The following LPP variants were observed in gnomAD, a reference collection of about 807,000 sequenced individuals.
LPP encodes lipoma-preferred partner.
A neutral mutation model predicts 60.4 loss-of-function variants in LPP; 38 were observed. That is an observed-to-expected ratio of 0.63 (90% CI 0.49 to 0.83). LPP has a LOEUF of 0.83. Ranked by LOEUF, LPP falls within the 40% of genes least tolerant of loss-of-function variation. LPP has a pLI of 0.00. For synonymous variants in LPP, 328 were observed against 290.8 expected (o/e 1.13, Z -1.30); for missense variants, 902 against 783.6 (o/e 1.15, Z -1.80).
At chr3:188,865,983 T>G (rs577446742) in intron 9 of LPP, among the ~76,000 whole-genome samples, 1 of 152,302 alleles carries the variant, frequency 6.6e-6, no homozygotes, top group East Asian at 1.9e-4. Flanking sequence ...TATAACACAC[T>G]TCTTTGGCCA....
intron 9 of LPP, among the ~76,000 whole-genome samples, chr3:188,791,441 C>G (rs780441098): frequency 6.6e-6 from 1 of 152,030 alleles, no homozygotes; most frequent in Non-Finnish European, 1.5e-5. Flanking sequence ...TTCTGTTTCT[C>G]TTGTTTATGC....
intron 6 of LPP, among the ~76,000 whole-genome samples, chr3:188,549,803 G>A (rs999787645): frequency 2.0e-5 from 3 of 152,130 alleles, no homozygotes; most frequent in African/African-American, 2.4e-5. Flanking sequence ...ATGCTAAACT[G>A]ATACCCTTTT....
intron 8 of LPP, among the ~76,000 whole-genome samples, chr3:188,718,543 C>A (rs1039739055): frequency 6.6e-6 from 1 of 152,198 alleles, no homozygotes; most frequent in Non-Finnish European, 1.5e-5. Flanking sequence ...TTCCCAGTAT[C>A]TTTTATCTCA....
chr3:188,328,097 G>A (rs1758946818), intron 2 of LPP, among the ~76,000 whole-genome samples: 2 of 152,118 alleles, frequency 1.3e-5, no homozygotes, highest in South Asian at 4.1e-4. Flanking sequence ...AGGATAAAAA[G>A]TAATTGTGGA....
At chr3:188,207,999 C>T (rs773167827) in intron 1 of LPP, among the ~76,000 whole-genome samples, 9 of 152,174 alleles carry the variant, frequency 5.9e-5, no homozygotes, top group South Asian at 2.1e-4. Context: ...GATTCAAGCA[C>T]GCACACATAG....
intron 9 of LPP, among the ~76,000 whole-genome samples, chr3:188,816,417 G>A (rs1002249869): frequency 6.6e-6 from 1 of 152,030 alleles, no homozygotes; most frequent in African/African-American, 2.4e-5. Context: ...TAGCCAGGAT[G>A]GTCTTGATCT....
chr3:188,480,493 G>A (rs1804468198), intron 4 of LPP, among the ~76,000 whole-genome samples: 1 of 152,172 alleles, frequency 6.6e-6, no homozygotes, highest in Non-Finnish European at 1.5e-5. Flanking sequence ...AATATATTTT[G>A]TATGTAGGTA....
chr3:188,208,513 G>C (rs752068928), intron 1 of LPP, among the ~76,000 whole-genome samples: 6 of 152,178 alleles, frequency 3.9e-5, no homozygotes, highest in Admixed American at 6.5e-5. Flanking sequence ...GTGCTCTCTG[G>C]AAAATAGCTC....
chr3:188,427,339 G>A (rs1448159075), intron 4 of LPP, among the ~76,000 whole-genome samples: 1 of 152,230 alleles, frequency 6.6e-6, no homozygotes, highest in East Asian at 1.9e-4. Flanking sequence ...GTCTGATGAG[G>A]TTCCCTTTGT....
At chr3:188,802,072 A>G (rs1288712977) in intron 9 of LPP, among the ~76,000 whole-genome samples, 1 of 152,004 alleles carries the variant, frequency 6.6e-6, no homozygotes, top group African/African-American at 2.4e-5. Flanking sequence ...TTTAGATTTG[A>G]AAGAAAAAGA....
chr3:188,847,238 A>T (rs1381215719), intron 9 of LPP, among the ~76,000 whole-genome samples: 7 of 152,284 alleles, frequency 4.6e-5, no homozygotes, highest in Admixed American at 4.6e-4. Flanking sequence ...AGTAAAGCAA[A>T]CCCAGGGTCA....
chr3:188,722,054 G>A (rs1477020874), intron 8 of LPP, among the ~76,000 whole-genome samples: 1 of 152,106 alleles, frequency 6.6e-6, no homozygotes, highest in Non-Finnish European at 1.5e-5. Flanking sequence ...TCAGAGTTCT[G>A]GAGAATTGTA....
chr3:188,213,221 G>A (rs1044434397), intron 1 of LPP, among the ~76,000 whole-genome samples: 1 of 152,160 alleles, frequency 6.6e-6, no homozygotes, highest in Non-Finnish European at 1.5e-5. Context: ...GGATTTAAGA[G>A]TATGCAAAAT....
chr3:188,651,047 T>C (rs1179843932), intron 7 of LPP, among the ~76,000 whole-genome samples: 1 of 152,236 alleles, frequency 6.6e-6, no homozygotes, highest in East Asian at 1.9e-4. Flanking sequence ...TTTTTAAATT[T>C]ATACAGCATG....
At chr3:188,271,273 G>A (rs1737637535) in intron 2 of LPP, among the ~76,000 whole-genome samples, 1 of 152,180 alleles carries the variant, frequency 6.6e-6, no homozygotes. Context: ...CCCTCTTATT[G>A]TTGGAGAAGA....
intron 8 of LPP, 66 bp from the exon 9 acceptor site, chr3:188,760,046 TC>T: frequency 6.9e-7 from 1 of 1,439,386 alleles, no homozygotes. Context: ...TGCTTTCTCC[TC>T]CACTTTGGCT....
At chr3:188,298,195 CGATCCTAATAG>C (rs1748571995) in intron 2 of LPP, among the ~76,000 whole-genome samples, 1 of 152,158 alleles carries the variant, frequency 6.6e-6, no homozygotes, top group African/African-American at 2.4e-5. Flanking sequence ...GCTCCTGATA[CGATCCTAATAG>C]GATCCTCTTC....
At chr3:188,640,549 C>T (rs1014714164) in intron 7 of LPP, among the ~76,000 whole-genome samples, 10 of 139,656 alleles carry the variant, frequency 7.2e-5, no homozygotes, top group South Asian at 2.2e-4. Context: ...AAGTTTGGGA[C>T]GAAAAAAAAA....
intron 2 of LPP, among the ~76,000 whole-genome samples, chr3:188,289,005 A>G (rs1238678785): frequency 6.6e-6 from 1 of 152,164 alleles, no homozygotes; most frequent in Non-Finnish European, 1.5e-5. Context: ...TAGGAAATGT[A>G]TCAGAAATAA....
Sources: gnomAD v4.1 joint callset for allele counts (sites outside exome capture counted in the v4.1 genomes callset) on GRCh38, gnomAD v4.1.1 for gene constraint, MANE v1.5 for transcripts, NCBI Gene and HGNC (gene_info 2026-07-23, HGNC 2026-07-21) for gene names.